Variants in AGTPBP1 observed in about 807,000 individuals in gnomAD.
AGTPBP1 encodes the protein ATP/GTP binding carboxypeptidase 1.
In AGTPBP1, 70 loss-of-function variants were observed where a neutral mutation model predicts 143.9. The ratio of observed to expected loss-of-function variants is 0.49; its 90% CI spans 0.40 to 0.59. AGTPBP1 has a LOEUF of 0.59. AGTPBP1 is among the 20% of genes least tolerant of loss of function. The pLI is 0.00. For synonymous variants in AGTPBP1, 463 were observed against 500.2 expected, an observed-to-expected ratio of 0.93 and a Z score of 0.99; for missense variants, 1,229 against 1,464.5, an observed-to-expected ratio of 0.84 and a Z score of 2.62.
intron 10 of AGTPBP1, 83 bp downstream of exon 10, chr9:85,657,352 T>A: frequency 8.4e-7 from 1 of 1,192,166 alleles, no homozygotes; most frequent in Non-Finnish European, 1.2e-6. Flanking sequence ...CGTTTCTGAG[T>A]ATTTGCACAC....
intron 2 of AGTPBP1, among the ~76,000 whole-genome samples, 197 bp downstream of exon 2, chr9:85,712,305 C>G (rs1244498338): frequency 6.6e-6 from 1 of 151,928 alleles, no homozygotes; most frequent in Non-Finnish European, 1.5e-5. Context: ...ACAGGCCACA[C>G]AAAAACAGGA....
the AGTPBP1 span, among the ~76,000 whole-genome samples, chr9:85,803,526 G>T: frequency 8.4e-4 from 128 of 152,286 alleles, no homozygotes; most frequent in African/African-American, 2.9e-3. Context: ...CAGGTCTGGG[G>T]TGGAGCCTGA....
chr9:85,755,307 C>T, the AGTPBP1 span, among the ~76,000 whole-genome samples: 1 of 152,080 alleles, frequency 6.6e-6, no homozygotes, highest in African/African-American at 2.4e-5. Flanking sequence ...TTACCGTGTC[C>T]ACTTGGTAGA....
chr9:85,587,024 T>A, intron 21 of AGTPBP1, 64 bp from the exon 22 acceptor site: 1 of 1,595,938 alleles, frequency 6.3e-7, no homozygotes, highest in East Asian at 2.2e-5. Context: ...TATACATTTC[T>A]TAAACCCTTA....
At chr9:85,552,421 ATTTGCCAT>A (rs1352189345) in intron 25 of AGTPBP1, among the ~76,000 whole-genome samples, 1 of 152,188 alleles carries the variant, frequency 6.6e-6, no homozygotes, top group Non-Finnish European at 1.5e-5. Flanking sequence ...ATGAGAGCTG[ATTTGCCAT>A]CCAAGACACC....
intron 17 of AGTPBP1, among the ~76,000 whole-genome samples, chr9:85,597,858 C>CT (rs1829399486): frequency 6.6e-6 from 1 of 152,092 alleles, no homozygotes; most frequent in Non-Finnish European, 1.5e-5. Context: ...TCTTTTAACA[C>CT]TATGTGACTA....
At position 85,646,323 on chromosome 9, in the gene AGTPBP1, T is replaced by C. The variant is rs1832804683; in HGVS notation, c.1183A>G (p.Lys395Glu). 3 of 1,610,220 alleles carry C rather than the reference T, an allele frequency of 1.9e-6. No individual in the cohort carries two copies. The African/African-American group carries it at 4.0e-5, about 22-fold the overall frequency. Residue 395 changes from lysine to glutamate, a missense_variant and splice_region_variant, in exon 12 of 26, where the codon AAG (lysine) becomes GAG (glutamate). Around this residue, in one of 2 missense-constraint regions of AGTPBP1, gnomAD observed 743 missense variants for 812.2 expected, o/e 0.91. Coordinates refer to ENST00000357081, the MANE Select transcript of AGTPBP1 (RefSeq NM_001330701.2). The stretch of plus-strand genomic sequence containing the variant: ...TAATTACAGAAATTTATACTAACCT[T>C]AAAATTTTGATCTAGGTCATCTTCA... ...ENEDDLDQNF[K>E]NDDIETDINK... is the part of the protein sequence containing the mutation.
chr9:85,726,257 A>C (rs1838485228), intron 1 of AGTPBP1, among the ~76,000 whole-genome samples: 1 of 151,856 alleles, frequency 6.6e-6, no homozygotes, highest in Non-Finnish European at 1.5e-5. Context: ...AAACAAAAAA[A>C]AAGAAAAATG....
Position 85,589,573 on chromosome 9 carries a change from T to C in AGTPBP1, c.2677A>G (p.Thr893Ala). 1 of 1,613,196 alleles carries C rather than the reference T, an allele frequency of 6.2e-7. No homozygotes were observed. The highest frequency in any genetic ancestry group is 2.2e-5 in the East Asian group (1 of 44,864). The change falls in exon 20 of 26, where the codon ACA (threonine) becomes GCA (alanine). Residue 893 changes from threonine (T) to alanine (A), a missense_variant. Thr to Ala is a moderately conservative substitution (Grantham distance 58, BLOSUM62 0). Coordinates refer to ENST00000357081, the MANE Select transcript of AGTPBP1 (RefSeq NM_001330701.2). ...SGNSCPLVTI[T>A]AMPESNYYEH... ...TAATAATTAGACTCTGGCATTGCTG[T>C]TATAGTCACCAAGGGGCAGCTGTTT...
chr9:85,672,264 T>C (rs1002976600), intron 7 of AGTPBP1, among the ~76,000 whole-genome samples: 2 of 152,100 alleles, frequency 1.3e-5, no homozygotes, highest in Admixed American at 6.5e-5. Flanking sequence ...AGACAGAGTT[T>C]CCCCATGTCG....
intron 25 of AGTPBP1, among the ~76,000 whole-genome samples, chr9:85,572,002 GTGTTTTTTTTTTTTTTTTTTTTT>G (rs548397752): frequency 0.25 from 21,609 of 85,088 alleles, 2,420 homozygotes; most frequent in East Asian, 0.57. Context: ...TTGTTTGTGT[GTGTTTTTTTTTTTTTTTTTTTTT>G]TTTTTTTTTT....
chr9:85,739,357 G>A (rs982341364), intron 1 of AGTPBP1, among the ~76,000 whole-genome samples: 4 of 152,148 alleles, frequency 2.6e-5, no homozygotes, highest in African/African-American at 9.7e-5. Context: ...AGATAGTGGG[G>A]GACTTCAAGC....
In AGTPBP1 at chr9:85,697,303, C is replaced by G. The variant is rs117502262; in HGVS notation, c.33-4490G>C. Among the ~76,000 whole-genome samples, 484 of 152,134 alleles carry G rather than the reference C, an allele frequency of 3.2e-3. 1 individual carries two copies. The highest frequency in any genetic ancestry group is 4.8e-3 in the Non-Finnish European group (325 of 68,004). On this transcript the variant is annotated intron_variant, in intron 2 of 25. Coordinates refer to ENST00000357081, the MANE Select transcript of AGTPBP1 (RefSeq NM_001330701.2). ...TGCAAAAATGTAATAAAATATGCCA[C>G]TCTTCCTACCAAACCTATTTTGTTT...
At chr9:85,801,600 C>T in the AGTPBP1 span, among the ~76,000 whole-genome samples, 1 of 151,986 alleles carries the variant, frequency 6.6e-6, no homozygotes, top group Non-Finnish European at 1.5e-5. Flanking sequence ...AATTGGAAAA[C>T]CTGGCATGTG....
chr9:85,729,950 C>T (rs900960278), intron 1 of AGTPBP1, among the ~76,000 whole-genome samples: 2 of 152,216 alleles, frequency 1.3e-5, no homozygotes, highest in African/African-American at 4.8e-5. Context: ...TAGCAGGCAG[C>T]TGGTGCACAC....
At chr9:85,620,620 C>T (rs1317839479) in intron 15 of AGTPBP1, among the ~76,000 whole-genome samples, 4 of 151,868 alleles carry the variant, frequency 2.6e-5, no homozygotes, top group African/African-American at 9.7e-5. Context: ...TATTTAAATC[C>T]TAAAATGTGA....
intron 1 of AGTPBP1, among the ~76,000 whole-genome samples, chr9:85,739,487 C>A (rs755177646): frequency 1.2e-4 from 18 of 151,610 alleles, no homozygotes; most frequent in Admixed American, 3.3e-4. Flanking sequence ...GGTGGGCAGA[C>A]CACCTGAGGT....
chr9:85,606,006 T>C (rs1389540464), intron 17 of AGTPBP1, among the ~76,000 whole-genome samples: 2 of 151,688 alleles, frequency 1.3e-5, no homozygotes, highest in Admixed American at 6.6e-5. Context: ...CACAAAACAA[T>C]TGGAAAACAA....
chr9:85,724,940 G>C (rs1838375473), intron 1 of AGTPBP1, among the ~76,000 whole-genome samples: 1 of 152,148 alleles, frequency 6.6e-6, no homozygotes, highest in Admixed American at 6.5e-5. Flanking sequence ...TAAAAATCCA[G>C]TAATATGGCA....
Sources: allele counts gnomAD v4.1 joint callset (sites outside exome capture counted in the v4.1 genomes callset), GRCh38; gene constraint gnomAD v4.1.1; regional missense constraint gnomAD v4.1.1; transcripts MANE v1.5; gene names NCBI Gene and HGNC (gene_info 2026-07-23, HGNC 2026-07-21).